The following KAZN variants were observed in gnomAD, a reference collection of about 807,000 sequenced individuals.
The protein encoded by KAZN is kazrin.
In KAZN, 40 loss-of-function variants were observed where a neutral mutation model predicts 87.4. The observed-to-expected ratio is 0.46, with a 90% confidence interval of 0.36 to 0.60. The LOEUF (loss-of-function observed/expected upper bound fraction) is 0.60. Among genes scored for constraint, KAZN ranks in the 20% least tolerant of loss-of-function variants. The pLI is 0.00. For synonymous variants in KAZN, 466 were observed against 458.3 expected, an observed-to-expected ratio of 1.02 and a Z score of -0.22; for missense variants, 898 against 1,073.9, an observed-to-expected ratio of 0.84 and a Z score of 2.29.
At chr1:14,356,389 G>A (rs1415912154) in intron 2 of KAZN, among the ~76,000 whole-genome samples, 1 of 152,158 alleles carries the variant, frequency 6.6e-6, no homozygotes. Flanking sequence ...TGTTCACTCT[G>A]ATGATAGTTT....
At chr1:14,198,779 A>T (rs1049882760) in intron 2 of KAZN, among the ~76,000 whole-genome samples, 3 of 152,192 alleles carry the variant, frequency 2.0e-5, no homozygotes, top group African/African-American at 7.2e-5. Context: ...ATGTTTATTT[A>T]TTCCATATTC....
intron 2 of KAZN, among the ~76,000 whole-genome samples, chr1:14,495,890 A>T (rs12132708): frequency 0.84 from 127,264 of 152,174 alleles, 53,661 homozygotes; most frequent in Non-Finnish European, 0.89. Flanking sequence ...ATCATTTATC[A>T]TCAGGGAGTC....
At chr1:13,951,623 G>GATAATAATAATA (rs6143132) in intron 1 of KAZN, among the ~76,000 whole-genome samples, 8 of 148,500 alleles carry the variant, frequency 5.4e-5, no homozygotes, top group East Asian at 2.0e-4. Context: ...CTAAAATGGA[G>GATAATAATAATA]ATAATAATAA....
rs534269693 is a variant in KAZN at position 14,299,557 on chromosome 1, A to G, written c.249+118965A>G. Among the ~76,000 whole-genome samples, 13 of 152,312 alleles carry G rather than the reference A, an allele frequency of 8.5e-5. No homozygotes were observed. In the South Asian group the frequency reaches 2.7e-3, roughly 32 times the overall value. On this transcript the variant is annotated intron_variant, in intron 2 of 16. Transcript: ENST00000636203. Reference sequence around the variant, plus strand: ...AGACTGTGATAAAGCACTGCATTTAATCAGTCATTGCTGGAATAATGCTGT... The same window carrying G: ...AGACTGTGATAAAGCACTGCATTTAGTCAGTCATTGCTGGAATAATGCTGT...
At chr1:15,108,045 C>A (rs11808658) in intron 13 of KAZN, among the ~76,000 whole-genome samples, 2,326 of 152,288 alleles carry the variant, frequency 0.015, 56 homozygotes, top group African/African-American at 0.049. Context: ...CCCCTTCTGT[C>A]AGTTTGCTCC....
chr1:14,538,094 G>A (rs1337712389), intron 2 of KAZN, among the ~76,000 whole-genome samples: 1 of 152,110 alleles, frequency 6.6e-6, no homozygotes, highest in Non-Finnish European at 1.5e-5. Context: ...TGAGGCATCT[G>A]AACTTAGATC....
chr1:14,598,836 G>T lies in KAZN; in HGVS notation c.-162G>T. Reference sequence around the variant, plus strand: ...GGCTGGAGGCGCCGCTGTCATTCCTGTGCCGGAGGAACCGGCGCTGCCGGT... The same window carrying T: ...GGCTGGAGGCGCCGCTGTCATTCCTTTGCCGGAGGAACCGGCGCTGCCGGT... On this transcript the variant is annotated 5_prime_UTR_variant, in exon 1 of 15. Coordinates refer to ENST00000376030, the MANE Select transcript of KAZN (RefSeq NM_201628.3). The surrounding 1 kb of genome is among the most constrained non-coding windows in gnomAD (Gnocchi z 4.2). 7.1e-7 allele frequency: 1 copy of T among 1,402,036 alleles called. No homozygotes were observed. The highest frequency in any genetic ancestry group is 9.2e-7 in the Non-Finnish European group (1 of 1,084,956). The allele number at this position is 1,402,036 out of a possible 1,614,324, so 86.8% of individuals were successfully genotyped here.
chr1:15,018,995 C>T (rs573644343), intron 2 of KAZN, among the ~76,000 whole-genome samples: 1 of 152,360 alleles, frequency 6.6e-6, no homozygotes, highest in Admixed American at 6.5e-5. Context: ...CCTGAAGGCA[C>T]ATGGCGGGCG....
At chr1:14,406,331 T>C (rs1218191127) in intron 2 of KAZN, among the ~76,000 whole-genome samples, 1 of 152,154 alleles carries the variant, frequency 6.6e-6, no homozygotes, top group African/African-American at 2.4e-5. Context: ...CTGTGATATA[T>C]ATACACACAA....
Position 15,048,554 on chromosome 1 carries a change from TGTTGGTCCTGGGTCGTTGATCCTTGGTC to T in KAZN, c.726+4412_726+4439del, listed in dbSNP as rs1673846200. Among the ~76,000 whole-genome samples, 7 of 151,184 alleles carry T rather than the reference TGTTGGTCCTGGGTCGTTGATCCTTGGTC, an allele frequency of 4.6e-5. No homozygotes were observed. The East Asian group carries it at 1.4e-3, about 30-fold the overall frequency. On this transcript the variant is annotated intron_variant, in intron 4 of 14. Coordinates refer to ENST00000376030, the MANE Select transcript of KAZN (RefSeq NM_201628.3). The stretch of plus-strand genomic sequence containing the variant: ...GCCAGAGCCAGCGTTGATCCTTGGT[TGTTGGTCCTGGGTCGTTGATCCTTGGTC>T]GTTGGTCCTGGGTCGTCGGTCCTGG...
intron 2 of KAZN, among the ~76,000 whole-genome samples, chr1:14,982,471 C>T (rs1666357035): frequency 6.9e-6 from 1 of 145,940 alleles, no homozygotes; most frequent in Non-Finnish European, 1.5e-5. Flanking sequence ...ACTCTGTCAC[C>T]CAGTCTGGAG....
At chr1:14,420,430 T>C (rs537711296) in intron 2 of KAZN, among the ~76,000 whole-genome samples, 1 of 152,318 alleles carries the variant, frequency 6.6e-6, no homozygotes, top group East Asian at 1.9e-4. Flanking sequence ...CTTCACCTAG[T>C]GGATTCCCCC....
intron 1 of KAZN, among the ~76,000 whole-genome samples, chr1:14,829,678 C>T (rs1442296380): frequency 6.6e-5 from 10 of 152,144 alleles, no homozygotes; most frequent in East Asian, 1.9e-4. Flanking sequence ...GGAGGAGAGA[C>T]GACTGTTACA....
chr1:14,534,859 C>T (rs192648094), intron 2 of KAZN, among the ~76,000 whole-genome samples: 1 of 152,232 alleles, frequency 6.6e-6, no homozygotes, highest in East Asian at 1.9e-4. Context: ...ATGGAGAAGG[C>T]TGTGTTCTAC....
chr1:14,822,848 G>A (rs1646774980), intron 1 of KAZN, among the ~76,000 whole-genome samples: 1 of 152,098 alleles, frequency 6.6e-6, no homozygotes, highest in African/African-American at 2.4e-5. Context: ...TCTAATCCTA[G>A]AGAGGGCTGC....
At chr1:14,694,300 G>A (rs574434509) in intron 1 of KAZN, among the ~76,000 whole-genome samples, 3 of 152,220 alleles carry the variant, frequency 2.0e-5, no homozygotes, top group Non-Finnish European at 4.4e-5. Context: ...AATGGGCCTG[G>A]TGCCCTTTAG....
At chr1:14,091,098 T>G (rs1200195312) in intron 1 of KAZN, among the ~76,000 whole-genome samples, 3 of 116,474 alleles carry the variant, frequency 2.6e-5, no homozygotes, top group Admixed American at 1.2e-4. Flanking sequence ...GGTGACAGAG[T>G]GAGACTCTGT....
At position 15,021,247 on chromosome 1, in the gene KAZN, T is replaced by C. The variant is rs1434163592; in HGVS notation, c.419-13502T>C. Among the ~76,000 whole-genome samples, 2 of 152,172 alleles carry C rather than the reference T, an allele frequency of 1.3e-5. No individual in the cohort carries two copies. The highest frequency in any genetic ancestry group is 4.8e-5 in the African/African-American group (2 of 41,452). On this transcript the variant is annotated intron_variant, in intron 2 of 14. Transcript: ENST00000376030. This position sits in a 1 kb window ranked among gnomAD's most constrained non-coding sequence, Gnocchi z 4.2. ...ACCGAGCCCAGGCCATTATCTTGCCTGCATACGACCTCACACACCCACACA... is the reference window on the plus strand; with the variant it reads ...ACCGAGCCCAGGCCATTATCTTGCCCGCATACGACCTCACACACCCACACA...
chr1:14,908,430 T>C (rs1024541215), intron 1 of KAZN, among the ~76,000 whole-genome samples: 11 of 143,732 alleles, frequency 7.7e-5, no homozygotes, highest in Non-Finnish European at 1.7e-4. Flanking sequence ...TAATCCCAGC[T>C]CCTCGGGAGG....
Sources: gnomAD v4.1 joint callset for allele counts (sites outside exome capture counted in the v4.1 genomes callset) on GRCh38, gnomAD v4.1.1 for gene constraint, Gnocchi (gnomAD v3.1) non-coding constraint, MANE v1.5 for transcripts, NCBI Gene and HGNC (gene_info 2026-07-23, HGNC 2026-07-21) for gene names.